The following MICU1 variants were observed in gnomAD, a reference collection of about 807,000 sequenced individuals.
The protein encoded by MICU1 is calcium uptake protein 1, mitochondrial.
A neutral mutation model predicts 56.8 loss-of-function variants in MICU1; 45 were observed. The ratio of observed to expected loss-of-function variants is 0.79; its 90% confidence interval spans 0.62 to 1.02. MICU1 has a LOEUF of 1.02. Among genes scored for constraint, MICU1 ranks in the 50% least tolerant of loss-of-function variants. MICU1 has a pLI of 0.00. For missense variants in MICU1, 504 were observed against 587.1 expected, an observed-to-expected ratio of 0.86 and a Z score of 1.46; for synonymous variants, 186 against 195.1, an observed-to-expected ratio of 0.95 and a Z score of 0.39.
At chr10:72,405,589 A>T (rs925566875) in intron 10 of MICU1, among the ~76,000 whole-genome samples, 1 of 152,016 alleles carries the variant, frequency 6.6e-6, no homozygotes, top group African/African-American at 2.4e-5. Flanking sequence ...AAAAAAAAAA[A>T]ATTACAGACC....
chr10:72,605,231 C>A (rs1480306636), intron 1 of MICU1, among the ~76,000 whole-genome samples: 1 of 152,152 alleles, frequency 6.6e-6, no homozygotes, highest in African/African-American at 2.4e-5. Flanking sequence ...AAAAGGAACT[C>A]CCACCAGCGC....
chr10:72,475,434 A>ATT (rs5786077), intron 7 of MICU1, 137 bp from the exon 8 acceptor site: 31,308 of 602,538 alleles, frequency 0.052, 6 homozygotes, highest in Middle Eastern at 0.063. Flanking sequence ...GCTTACAACA[A>ATT]TTTTTTTTTT....
At chr10:72,603,125 G>T (rs1357210422) in intron 1 of MICU1, among the ~76,000 whole-genome samples, 1 of 151,924 alleles carries the variant, frequency 6.6e-6, no homozygotes, top group Admixed American at 6.6e-5. Context: ...AGTGGCTCAC[G>T]CCTGTAATCC....
At chr10:72,405,911 T>C (rs1338675499) in intron 10 of MICU1, among the ~76,000 whole-genome samples, 1 of 152,122 alleles carries the variant, frequency 6.6e-6, no homozygotes, top group Non-Finnish European at 1.5e-5. Context: ...ATTGAATACT[T>C]TTCTCTAAAG....
At chr10:72,526,431 G>T (rs897584670) in intron 5 of MICU1, among the ~76,000 whole-genome samples, 17 of 152,130 alleles carry the variant, frequency 1.1e-4, no homozygotes, top group Non-Finnish European at 8.8e-5. Context: ...AAGTAGCTGG[G>T]ATTACAGGCG....
chr10:72,518,839 CCTGG>C (rs1867735293), intron 5 of MICU1, among the ~76,000 whole-genome samples: 1 of 152,204 alleles, frequency 6.6e-6, no homozygotes, highest in African/African-American at 2.4e-5. Flanking sequence ...TGCCACCATG[CCTGG>C]CTAAGTTTTG....
intron 8 of MICU1, among the ~76,000 whole-genome samples, chr10:72,449,774 T>C (rs1471066747): frequency 6.6e-6 from 1 of 152,216 alleles, no homozygotes; most frequent in African/African-American, 2.4e-5. Flanking sequence ...GGTCTATCTC[T>C]AGATCGAACT....
intron 6 of MICU1, among the ~76,000 whole-genome samples, chr10:72,481,682 G>C (rs561964227): frequency 6.6e-6 from 1 of 152,172 alleles, no homozygotes; most frequent in Non-Finnish European, 1.5e-5. Context: ...AAAGTGTCGG[G>C]ATTACAGGCG....
chr10:72,412,608 T>C (rs957711861), intron 9 of MICU1, among the ~76,000 whole-genome samples: 3 of 152,084 alleles, frequency 2.0e-5, no homozygotes, highest in African/African-American at 4.8e-5. Flanking sequence ...CCCAGCACTT[T>C]GGGAGGTCGA....
chr10:72,407,573 C>T (rs969830555), intron 10 of MICU1, among the ~76,000 whole-genome samples: 4 of 152,122 alleles, frequency 2.6e-5, no homozygotes, highest in African/African-American at 9.7e-5. Flanking sequence ...TCATCAAAGA[C>T]GCAACTTAAG....
chr10:72,431,700 G>A (rs957780595), intron 8 of MICU1, among the ~76,000 whole-genome samples: 7 of 152,080 alleles, frequency 4.6e-5, no homozygotes, highest in Non-Finnish European at 8.8e-5. Context: ...CCAGCACTTG[G>A]TATTGTCAGT....
In MICU1 at chr10:72,412,888, T is replaced by C. The variant is rs555101895; in HGVS notation, c.1072-4851A>G. Among the ~76,000 whole-genome samples the C allele has an allele frequency of 4.2e-5, 6 of 141,704 alleles. No individual in the cohort carries two copies. The East Asian group carries it at 1.3e-3, about 31-fold the overall frequency. The allele number at this position is 141,704 out of a possible 152,430, so 93.0% of individuals were successfully genotyped here. On this transcript the variant is annotated intron_variant, in intron 9 of 11. Coordinates refer to ENST00000361114, the MANE Select transcript of MICU1 (RefSeq NM_001195518.2). ...AAAAAAAAAGCAGTGGATAAAACTT[T>C]TAGAAGAAAACACAGGAGAGGCTGA...
chr10:72,427,733 A>AATAAATAT lies in MICU1; in HGVS notation c.934-4363_934-4362insATATTTAT, dbSNP rs1241632825. On this transcript the variant is annotated intron_variant, in intron 8 of 11. Transcript: ENST00000361114. ...TCAGCATCATAGACCCCATCTCTAA[A>AATAAATAT]ATATATATATATATATATATATATA... is the stretch of plus-strand genomic sequence containing the variant. 3.7e-3 allele frequency among the ~76,000 whole-genome samples: 510 copies of AATAAATAT among 136,180 alleles called. 6 individuals are homozygous for AATAAATAT. The highest frequency in any genetic ancestry group is 0.012 in the African/African-American group (423 of 36,218). 89.3% of individuals were successfully genotyped at this position (136,180 alleles called of 152,430 possible).
intron 10 of MICU1, among the ~76,000 whole-genome samples, chr10:72,387,642 C>T (rs10762515): frequency 0.44 from 66,917 of 151,782 alleles, 18,698 homozygotes; most frequent in Non-Finnish European, 0.64. Flanking sequence ...CTTAGGAGAA[C>T]CTAGAAGCTT....
chr10:72,513,919 C>T (rs114428339), intron 5 of MICU1, among the ~76,000 whole-genome samples: 4,153 of 152,146 alleles, frequency 0.027, 184 homozygotes, highest in African/African-American at 0.096. Flanking sequence ...AGTACCACAT[C>T]ATTTACATTT....
intron 6 of MICU1, among the ~76,000 whole-genome samples, chr10:72,479,101 C>G (rs1166291376): frequency 6.6e-6 from 1 of 152,182 alleles, no homozygotes; most frequent in Non-Finnish European, 1.5e-5. Flanking sequence ...TTCATACTCT[C>G]AATCTTGAAA....
Position 72,564,547 on chromosome 10 carries a change from AAAAAAAAAAAAAAAAAG to A in MICU1, c.162-1501_162-1485del, listed in dbSNP as rs1840378539. On this transcript the variant is annotated intron_variant, in intron 2 of 11. Coordinates refer to ENST00000361114, the MANE Select transcript of MICU1 (RefSeq NM_001195518.2). ...GAGTGAGACTCCATCTCAAAAAGAA[AAAAAAAAAAAAAAAAAG>A]AAAAGAAAAATGGAGGCCTATAATT... 3.4e-5 allele frequency among the ~76,000 whole-genome samples: 5 copies of A among 146,030 alleles called. No homozygotes were observed. In the South Asian group the frequency reaches 1.1e-3, roughly 31 times the overall value.
chr10:72,514,493 T>G (rs1867585438), intron 5 of MICU1, among the ~76,000 whole-genome samples: 1 of 152,186 alleles, frequency 6.6e-6, no homozygotes, highest in Non-Finnish European at 1.5e-5. Flanking sequence ...CTACTTACTG[T>G]GGGTTGTAGT....
intron 1 of MICU1, among the ~76,000 whole-genome samples, chr10:72,609,550 C>A (rs1050524797): frequency 6.6e-6 from 1 of 150,612 alleles, no homozygotes; most frequent in Non-Finnish European, 1.5e-5. Context: ...CTGGCTAACA[C>A]GGTGAAACCC....
Sources: gnomAD v4.1 joint callset for allele counts (sites outside exome capture counted in the v4.1 genomes callset) on GRCh38, gnomAD v4.1.1 for gene constraint, MANE v1.5 for transcripts, NCBI Gene and HGNC (gene_info 2026-07-23, HGNC 2026-07-21) for gene names.